Variants in TUBGCP6 observed in about 807,000 individuals in gnomAD.
The protein encoded by TUBGCP6 is gamma-tubulin complex component 6.
A neutral mutation model predicts 175.8 loss-of-function variants in TUBGCP6; 161 were observed. That is an observed-to-expected ratio of 0.92 (90% CI 0.81 to 1.04). The LOEUF (loss-of-function observed/expected upper bound fraction) is 1.04. TUBGCP6 is among the 50% of genes least tolerant of loss of function. The pLI, the probability that TUBGCP6 is intolerant of heterozygous loss-of-function variation, is 0.00. For synonymous variants in TUBGCP6, 1,173 were observed against 1,030.5 expected (o/e 1.14, Z -2.65); for missense variants, 2,572 against 2,433.0 (o/e 1.06, Z -1.20).
chr22:50,220,451 T>A lies in TUBGCP6; in HGVS notation c.3908A>T (p.Gln1303Leu). ...CTGTGCTCCCAGGCTGAGCGCTGAC[T>A]GGGACGTGTGGCCAGGGGGGCTCTG... ...PQQSPPGHTS[Q>L]SALSLGAQST... The change falls in exon 16 of 25, where the codon CAG (glutamine) becomes CTG (leucine). Residue 1303 changes from glutamine to leucine, a missense_variant. Transcript: ENST00000248846. The A allele has an allele frequency of 6.2e-7, 1 of 1,612,740 alleles. No individual in the cohort carries two copies. Among genetic ancestry groups the A allele is most frequent in the South Asian group, 1.1e-5 (1 of 91,014 alleles).
In TUBGCP6 at chr22:50,217,696, C is replaced by G. The variant is rs556653451; in HGVS notation, c.*40G>C. On this transcript the variant is annotated 3_prime_UTR_variant, in exon 25 of 25. Coordinates refer to ENST00000248846, the MANE Select transcript of TUBGCP6 (RefSeq NM_020461.4). ...AGGAGAGAGAGCTGCAGACAGGGTC[C>G]GAGAACACCTTTATTGTGCACGTCC... The G allele has an allele frequency of 1.5e-5, 24 of 1,586,644 alleles. No homozygotes were observed. The Middle Eastern group carries it at 5.0e-4, about 33-fold the overall frequency.
In TUBGCP6 at chr22:50,226,974, C is replaced by A. The variant is rs776160636; in HGVS notation, c.1491+25G>T. ...TTTCCTGGAGCCCACCAGGCTGACA[C>A]ACTCGGCAGGGACGCACAACTCACG... is the stretch of plus-strand genomic sequence containing the variant. On this transcript the variant is annotated intron_variant, in intron 6 of 24. Coordinates refer to ENST00000248846, the MANE Select transcript of TUBGCP6 (RefSeq NM_020461.4). The A allele has an allele frequency of 4.4e-6, 7 of 1,607,640 alleles. No homozygotes were observed. In the East Asian group the frequency reaches 1.6e-4, roughly 36 times the overall value.
At position 50,220,022 on chromosome 22, in the gene TUBGCP6, G is replaced by T; in HGVS notation, c.4109-7C>A. On this transcript the variant is annotated splice_region_variant and splice_polypyrimidine_tract_variant and intron_variant, in intron 16 of 24. Coordinates refer to ENST00000248846, the MANE Select transcript of TUBGCP6 (RefSeq NM_020461.4). ...TCCCCGCTCCTCCCAGGGCCTGTGT[G>T]GACACAAGTGGACACGAGGGCATCA... 3 of 1,612,910 alleles carry T rather than the reference G, an allele frequency of 1.9e-6. No individual in the cohort carries two copies. The highest frequency in any genetic ancestry group is 2.5e-6 in the Non-Finnish European group (3 of 1,179,368).
At chr22:50,225,297 G>C (rs1285350086) in intron 10 of TUBGCP6, among the ~76,000 whole-genome samples, 1 of 152,022 alleles carries the variant, frequency 6.6e-6, no homozygotes, top group Non-Finnish European at 1.5e-5. Context: ...GGGTGTTCCT[G>C]GGAATGGCAC....
At chr22:50,242,413 C>T (rs2064851058) in intron 1 of TUBGCP6, among the ~76,000 whole-genome samples, 1 of 152,222 alleles carries the variant, frequency 6.6e-6, no homozygotes, top group African/African-American at 2.4e-5. Flanking sequence ...AGGAGAATCG[C>T]TTGAACCCAG....
chr22:50,225,916 C>A lies in TUBGCP6; in HGVS notation c.1861G>T (p.Val621Phe). 2 of 1,613,878 alleles carry A rather than the reference C, an allele frequency of 1.2e-6. No homozygotes were observed. Among genetic ancestry groups the A allele is most frequent in the Non-Finnish European group, 1.7e-6 (2 of 1,179,964 alleles). ...GAGAAAATCACCGAGATCCGGGGGA[C>A]AGGGACGTCGGACCAACAGAGGTAA... ...RHYLCWSDVP[V>F]PRISVIFSLE... Residue 621 changes from valine to phenylalanine, a missense_variant, in exon 10 of 25, where the codon GTC becomes TTC. By Grantham distance (50) the Val-to-Phe change is conservative (BLOSUM62 -1). Transcript: ENST00000248846.
chr22:50,233,595 C>T (rs2064722211), intron 2 of TUBGCP6, 69 bp from the exon 3 acceptor site: 2 of 1,442,660 alleles, frequency 1.4e-6, no homozygotes, highest in South Asian at 2.4e-5. Context: ...AGGGTGCTTT[C>T]TCTCGGGAAT....
In TUBGCP6 at chr22:50,244,371, C is replaced by A; in HGVS notation, c.89G>T (p.Arg30Leu). 6.2e-7 allele frequency: 1 copy of A among 1,613,362 alleles called. No homozygotes were observed. Among genetic ancestry groups the A allele is most frequent in the Non-Finnish European group, 8.5e-7 (1 of 1,180,030 alleles). ...CTTGAGGCTCCGCTTTGCCCTCTTC[C>A]GGTTCACACTGCGCTGGCCCAGGTG... is the stretch of plus-strand genomic sequence containing the variant. ...KTHLGQRSVN[R>L]KRAKRSLKKV... is the part of the protein sequence containing the mutation. Residue 30 changes from arginine (R) to leucine (L), a missense_variant, in exon 1 of 25, where the codon CGG (arginine) becomes CTG (leucine). Coordinates refer to ENST00000248846, the MANE Select transcript of TUBGCP6 (RefSeq NM_020461.4).
Position 50,218,916 on chromosome 22 carries a change from A to G in TUBGCP6, c.4627-19T>C, listed in dbSNP as rs1424298938. The G allele has an allele frequency of 2.5e-6, 4 of 1,601,508 alleles. No homozygotes were observed. The highest frequency in any genetic ancestry group is 1.3e-5 in the African/African-American group (1 of 74,702). ...CTCCAAGCTAGGCAGAAAAGGGACC[A>G]CCGTCCCCAGGAGTCCCAAGCACAT... is the stretch of plus-strand genomic sequence containing the variant. On this transcript the variant is annotated intron_variant, in intron 20 of 24. Coordinates refer to ENST00000248846, the MANE Select transcript of TUBGCP6 (RefSeq NM_020461.4).
chr22:50,244,133 A>T lies in TUBGCP6; in HGVS notation c.327T>A (p.Ser109=). 6.2e-7 allele frequency: 1 copy of T among 1,613,580 alleles called. No homozygotes were observed. Among genetic ancestry groups the T allele is most frequent in the Non-Finnish European group, 8.5e-7 (1 of 1,180,040 alleles). Residue 109 remains serine, a synonymous_variant, in exon 1 of 25, where the codon TCT becomes TCA. Transcript: ENST00000248846. ...APCCPLLEVG[S]VLDLLVQLAG... ...CCAGCTGAACCAGGAGGTCCAAAACAGACCCCACCTCCAAAAGCGGACAGC... is the reference window on the plus strand; with the variant it reads ...CCAGCTGAACCAGGAGGTCCAAAACTGACCCCACCTCCAAAAGCGGACAGC...
intron 2 of TUBGCP6, among the ~76,000 whole-genome samples, chr22:50,237,381 A>T (rs972613232): frequency 4.6e-5 from 7 of 152,246 alleles, no homozygotes; most frequent in Non-Finnish European, 1.0e-4. Context: ...TTTAAAATGA[A>T]ACAAGACCAA....
At chr22:50,219,016 T>C (rs577410965) in intron 20 of TUBGCP6, 52 bp downstream of exon 20, 84 of 1,605,050 alleles carry the variant, frequency 5.2e-5, no homozygotes, top group African/African-American at 2.4e-4. Context: ...CAGTCTCTCT[T>C]TTCCCACGGC....
intron 3 of TUBGCP6, among the ~76,000 whole-genome samples, chr22:50,231,809 G>C (rs1314374252): frequency 6.9e-6 from 1 of 145,908 alleles, no homozygotes; most frequent in East Asian, 2.1e-4. Flanking sequence ...GGAGTGAGCC[G>C]AGATCGCGCC....
chr22:50,229,440 G>A lies in TUBGCP6; in HGVS notation c.1254C>T (p.Val418=). The A allele has an allele frequency of 6.2e-7, 1 of 1,613,598 alleles. No homozygotes were observed. Among genetic ancestry groups the A allele is most frequent in the Admixed American group, 1.7e-5 (1 of 60,010 alleles). The change falls in exon 4 of 25, where the codon GTC becomes GTT. Residue 418 remains valine (V), a synonymous_variant. Coordinates refer to ENST00000248846, the MANE Select transcript of TUBGCP6 (RefSeq NM_020461.4). ...TRLSHFSLQP[V]LDSLYSKGLV... ...GGCCCTTGCTGTACAAAGAGTCCAGGACGGGCTGCAGAGAGAAATGACTCA... is the reference window on the plus strand; with the variant it reads ...GGCCCTTGCTGTACAAAGAGTCCAGAACGGGCTGCAGAGAGAAATGACTCA...
chr22:50,226,828 C>G lies in TUBGCP6; in HGVS notation c.1506G>C (p.Leu502=), dbSNP rs1425432245. The G allele has an allele frequency of 3.8e-6, 6 of 1,581,906 alleles. No homozygotes were observed. The African/African-American group carries it at 4.0e-5, about 11-fold the overall frequency. ...RAAFPTGVKL[L]SYLYQEALHN... is the part of the protein sequence containing the mutation. Reference sequence around the variant, plus strand: ...GCAGAGCCTCCTGGTAGAGGTAGGACAGCAGCTTCACGCCCTGCAGACCGC... The same window carrying G: ...GCAGAGCCTCCTGGTAGAGGTAGGAGAGCAGCTTCACGCCCTGCAGACCGC... The change falls in exon 7 of 25, where the codon CTG becomes CTC. Residue 502 remains leucine (L), a synonymous_variant. Transcript: ENST00000248846.
intron 4 of TUBGCP6, among the ~76,000 whole-genome samples, chr22:50,228,665 A>G (rs1378426165): frequency 1.3e-5 from 2 of 151,874 alleles, no homozygotes; most frequent in Non-Finnish European, 2.9e-5. Context: ...TCTAGCTCTC[A>G]AGTCCCCCGG....
intron 16 of TUBGCP6, 103 bp downstream of exon 16, chr22:50,220,148 C>A (rs1402163546): frequency 1.9e-6 from 3 of 1,547,248 alleles, no homozygotes; most frequent in Admixed American, 3.7e-5. Context: ...GACAAGGAGG[C>A]CTGAGGGGAA....
chr22:50,229,427 A>T lies in TUBGCP6; in HGVS notation c.1267T>A (p.Tyr423Asn), dbSNP rs936767317. The change falls in exon 4 of 25, where the codon TAC becomes AAC. Residue 423 changes from tyrosine to asparagine, a missense_variant. Coordinates refer to ENST00000248846, the MANE Select transcript of TUBGCP6 (RefSeq NM_020461.4). ...FSLQPVLDSL[Y>N]SKGLVFQAFT... is the part of the protein sequence containing the mutation. ...ACCTGGAACACGAGGCCCTTGCTGT[A>T]CAAAGAGTCCAGGACGGGCTGCAGA... The T allele has an allele frequency of 1.2e-6, 2 of 1,613,598 alleles. No homozygotes were observed. Among genetic ancestry groups the T allele is most frequent in the Non-Finnish European group, 1.7e-6 (2 of 1,179,964 alleles).
At position 50,224,276 on chromosome 22, in the gene TUBGCP6, T is replaced by C. The variant is rs113835879; in HGVS notation, c.2155-20A>G. 1.3e-4 allele frequency: 214 copies of C among 1,614,202 alleles called. No homozygotes were observed. In the African/African-American group the frequency reaches 2.5e-3, roughly 19 times the overall value. ...GCGTCGCTATAAAACACATAGAGCC[T>C]GGCCTGTGAAATCAGAACTGACAGG... On this transcript the variant is annotated intron_variant, in intron 12 of 24. Coordinates refer to ENST00000248846, the MANE Select transcript of TUBGCP6 (RefSeq NM_020461.4).
Sources: allele counts gnomAD v4.1 joint callset (sites outside exome capture counted in the v4.1 genomes callset), GRCh38; gene constraint gnomAD v4.1.1; transcripts MANE v1.5; gene names NCBI Gene and HGNC (gene_info 2026-07-23, HGNC 2026-07-21).